The following BCAT1 variants were observed in gnomAD, a reference collection of about 807,000 sequenced individuals.
BCAT1 encodes the protein branched chain amino acid transaminase 1, also known as branched-chain-amino-acid aminotransferase, cytosolic.
BCAT1 carries 48 observed loss-of-function variants against 52.4 expected under a neutral mutation model. The observed-to-expected ratio is 0.92, with a 90% confidence interval of 0.73 to 1.16. The LOEUF (loss-of-function observed/expected upper bound fraction) is 1.16, where lower values mean the gene tolerates loss of function less well. BCAT1 is among the 50% of genes most tolerant of loss of function. The probability of loss-of-function intolerance (pLI) is 0.00; values close to 1 mark genes in which losing one functional copy is unlikely to be tolerated. For missense variants in BCAT1, 451 were observed against 457.1 expected (o/e 0.99, Z 0.12); for synonymous variants, 167 against 161.3 (o/e 1.04, Z -0.27).
chr12:24,824,240 T>TTCCTTCCC (rs1313444562), intron 10 of BCAT1, among the ~76,000 whole-genome samples: 1 of 131,128 alleles, frequency 7.6e-6, no homozygotes, highest in African/African-American at 2.9e-5. Context: ...ATTTCCTTCC[T>TTCCTTCCC]TCCTTCCTTC....
At chr12:24,906,488 G>A (rs533969574) in intron 1 of BCAT1, among the ~76,000 whole-genome samples, 12 of 83,740 alleles carry the variant, frequency 1.4e-4, no homozygotes, top group Non-Finnish European at 3.0e-4. Context: ...CTATGGGTGC[G>A]AAAGAGAATC....
chr12:24,819,236 T>G (rs1406133473), intron 10 of BCAT1, among the ~76,000 whole-genome samples: 2 of 152,062 alleles, frequency 1.3e-5, no homozygotes, highest in Non-Finnish European at 2.9e-5. Context: ...TCCAAGCCAG[T>G]GTATCAGGCC....
intron 5 of BCAT1, among the ~76,000 whole-genome samples, chr12:24,867,434 C>T (rs545233204): frequency 1.3e-5 from 2 of 149,724 alleles, no homozygotes; most frequent in South Asian, 2.1e-4. Flanking sequence ...GCAAAGCTGT[C>T]ATTGCCAAAC....
intron 1 of BCAT1, among the ~76,000 whole-genome samples, chr12:24,915,682 T>C (rs539391258): frequency 2.1e-4 from 32 of 152,322 alleles, no homozygotes; most frequent in African/African-American, 7.2e-4. Context: ...TTAGGCACAA[T>C]GATGTCTGGA....
At chr12:24,827,139 G>A (rs1439166401) in intron 10 of BCAT1, among the ~76,000 whole-genome samples, 3 of 151,936 alleles carry the variant, frequency 2.0e-5, no homozygotes, top group Admixed American at 2.0e-4. Flanking sequence ...TATTTTTCCT[G>A]CCTATTTGCC....
intron 1 of BCAT1, among the ~76,000 whole-genome samples, chr12:24,912,806 A>C (rs759255802): frequency 2.6e-5 from 4 of 152,152 alleles, no homozygotes; most frequent in Non-Finnish European, 5.9e-5. Flanking sequence ...AAATAGACTG[A>C]CTTATCTGAT....
intron 2 of BCAT1, among the ~76,000 whole-genome samples, chr12:24,897,353 A>G (rs756892106): frequency 4.6e-5 from 7 of 152,250 alleles, no homozygotes; most frequent in East Asian, 1.9e-4. Context: ...TTAACCTCAA[A>G]TAAGTGTTCT....
At chr12:24,850,991 A>C (rs1941492680) in intron 5 of BCAT1, among the ~76,000 whole-genome samples, 1 of 152,242 alleles carries the variant, frequency 6.6e-6, no homozygotes. Flanking sequence ...TAAAGCCAGA[A>C]GCCCACAATG....
At chr12:24,873,778 G>A (rs1942249758) in intron 5 of BCAT1, among the ~76,000 whole-genome samples, 2 of 152,124 alleles carry the variant, frequency 1.3e-5, no homozygotes, top group African/African-American at 4.8e-5. Flanking sequence ...AGATTTTGGA[G>A]TATTCTGAAT....
In BCAT1 at chr12:24,867,211, C is replaced by T. The variant is rs1181772226; in HGVS notation, c.510+11319G>A. The stretch of plus-strand genomic sequence containing the variant: ...TCTGAACATCAGAAGGAACAAACTC[C>T]AGACACGACACCTTTAAGAACTGTA... On this transcript the variant is annotated intron_variant, in intron 5 of 10. Coordinates refer to ENST00000261192, the MANE Select transcript of BCAT1 (RefSeq NM_005504.7). Among the ~76,000 whole-genome samples the T allele has an allele frequency of 7.9e-5, 12 of 152,244 alleles. No individual in the cohort carries two copies. The East Asian group carries it at 2.3e-3, about 29-fold the overall frequency.
At chr12:24,915,323 C>A (rs993264715) in intron 1 of BCAT1, among the ~76,000 whole-genome samples, 2 of 151,374 alleles carry the variant, frequency 1.3e-5, no homozygotes, top group African/African-American at 4.9e-5. Flanking sequence ...AATATCTTCA[C>A]ATAAACAAAA....
intron 3 of BCAT1, among the ~76,000 whole-genome samples, chr12:24,893,037 C>T (rs1487941004): frequency 2.0e-5 from 3 of 152,078 alleles, no homozygotes; most frequent in Non-Finnish European, 4.4e-5. Flanking sequence ...AATATCTTTC[C>T]AAAATTATAT....
chr12:24,834,175 A>G, intron 8 of BCAT1: 1 of 979,528 alleles, frequency 1.0e-6, no homozygotes, highest in Non-Finnish European at 1.2e-6. Context: ...AAATATCTGA[A>G]ATACTCATTA....
At chr12:24,862,702 G>A (rs184965017) in intron 5 of BCAT1, among the ~76,000 whole-genome samples, 50 of 151,888 alleles carry the variant, frequency 3.3e-4, no homozygotes, top group South Asian at 2.3e-3. Context: ...ATAAATTCCC[G>A]TTCTCTTTTC....
rs1850957792 is a variant in BCAT1, at chr12:24,894,693, G to A, written c.79-218C>T. The stretch of plus-strand genomic sequence containing the variant: ...ATGTACACTGCCTAATAGAATATCA[G>A]AACCAAATTTCAGTGATATATAGAA... On this transcript the variant is annotated intron_variant, in intron 2 of 10. Coordinates refer to ENST00000261192, the MANE Select transcript of BCAT1 (RefSeq NM_005504.7). 2.0e-5 allele frequency among the ~76,000 whole-genome samples: 3 copies of A among 152,158 alleles called. No individual in the cohort carries two copies. In the South Asian group the frequency reaches 6.2e-4, roughly 32 times the overall value.
chr12:24,933,398 G>A (rs536975475), intron 1 of BCAT1, among the ~76,000 whole-genome samples: 1 of 152,174 alleles, frequency 6.6e-6, no homozygotes, highest in South Asian at 2.1e-4. Flanking sequence ...CAAAGCTGGG[G>A]CTCACACACC....
intron 1 of BCAT1, among the ~76,000 whole-genome samples, chr12:24,943,365 T>G (rs1184979834): frequency 6.6e-6 from 1 of 151,542 alleles, no homozygotes; most frequent in East Asian, 2.0e-4. Context: ...TGGTGGCACA[T>G]GCCTGTGGTC....
At chr12:24,832,702 A>G (rs1442974053) in intron 9 of BCAT1, 21 bp downstream of exon 9, 1 of 1,589,470 alleles carries the variant, frequency 6.3e-7, no homozygotes, top group South Asian at 1.1e-5. Context: ...ATGATAGGAA[A>G]TGAGGAAATA....
intron 1 of BCAT1, among the ~76,000 whole-genome samples, chr12:24,936,449 T>G (rs1037912848): frequency 4.6e-5 from 7 of 152,168 alleles, no homozygotes; most frequent in African/African-American, 1.4e-4. Context: ...GCCAGGCTAG[T>G]CTCAAACTCC....
Sources: gnomAD v4.1 joint callset for allele counts (sites outside exome capture counted in the v4.1 genomes callset) on GRCh38, gnomAD v4.1.1 for gene constraint, MANE v1.5 for transcripts, NCBI Gene and HGNC (gene_info 2026-07-23, HGNC 2026-07-21) for gene names.